The following LIMD1 variants were observed in gnomAD, a reference collection of about 807,000 sequenced individuals.
LIMD1 encodes LIM domain containing 1, also known as LIM domain-containing protein 1.
A neutral mutation model predicts 58.4 loss-of-function variants in LIMD1; 23 were observed. The observed-to-expected ratio is 0.39, with a 90% CI of 0.28 to 0.56. The LOEUF is 0.56. Ranked by LOEUF, LIMD1 falls within the 20% of genes least tolerant of loss-of-function variation. The pLI, the probability that LIMD1 is intolerant of heterozygous loss-of-function variation, is 0.57. For missense variants in LIMD1, 838 were observed against 855.5 expected, an observed-to-expected ratio of 0.98 and a Z score of 0.25; for synonymous variants, 334 against 345.5, an observed-to-expected ratio of 0.97 and a Z score of 0.37.
At chr3:45,654,954 CTG>C (rs1702014130) in intron 2 of LIMD1, among the ~76,000 whole-genome samples, 1 of 145,066 alleles carries the variant, frequency 6.9e-6, no homozygotes, top group South Asian at 2.2e-4. Flanking sequence ...TAGTCTCACT[CTG>C]TCACCCAGGC....
intron 1 of LIMD1, among the ~76,000 whole-genome samples, chr3:45,616,160 G>C (rs1194719535): frequency 3.9e-5 from 6 of 152,092 alleles, no homozygotes; most frequent in Admixed American, 6.6e-5. Context: ...AGGAATGGCT[G>C]GGTTCTATTT....
rs773480038 is a variant in LIMD1, at chr3:45,673,468, A to G, written c.1787A>G (p.Lys596Arg). 1.9e-6 allele frequency: 3 copies of G among 1,614,032 alleles called. No individual in the cohort carries two copies. Among genetic ancestry groups the G allele is most frequent in the South Asian group, 2.2e-5 (2 of 91,082 alleles). The change falls in exon 6 of 8, where the codon AAG (lysine) becomes AGG (arginine). Residue 596 changes from lysine to arginine, a missense_variant. By Grantham distance (26) the Lys-to-Arg change is conservative. Transcript: ENST00000273317. ...VRDYHKVLAP[K>R]CAACGLPILP... ...TCTCCCCACAGGGTGCTGGCCCCCAAGTGTGCAGCCTGTGGGCTTCCCATC... is the reference window on the plus strand; with the variant it reads ...TCTCCCCACAGGGTGCTGGCCCCCAGGTGTGCAGCCTGTGGGCTTCCCATC...
intron 7 of LIMD1, chr3:45,674,661 C>T (rs1697644140): frequency 9.3e-6 from 4 of 430,706 alleles, no homozygotes; most frequent in African/African-American, 5.9e-5. Context: ...GCTGCTCTCC[C>T]TGAAGCTGCA....
chr3:45,649,926 G>GT (rs1412331173), intron 2 of LIMD1, among the ~76,000 whole-genome samples: 1 of 123,536 alleles, frequency 8.1e-6, no homozygotes, highest in Non-Finnish European at 1.6e-5. Flanking sequence ...TATGTGACAT[G>GT]TTTTTCCCCC....
In LIMD1 at chr3:45,595,961, A is replaced by G. The variant is rs368463551; in HGVS notation, c.1082A>G (p.Gln361Arg). 13 of 1,614,220 alleles carry G rather than the reference A, an allele frequency of 8.1e-6. No individual in the cohort carries two copies. Among genetic ancestry groups the G allele is most frequent in the Non-Finnish European group, 1.1e-5 (13 of 1,180,030 alleles). Residue 361 changes from glutamine (Q) to arginine (R), a missense_variant, in exon 1 of 8, where the codon CAG becomes CGG. By Grantham distance (43) the Gln-to-Arg change is conservative. Coordinates refer to ENST00000273317, the MANE Select transcript of LIMD1 (RefSeq NM_014240.3). ...TCGCCAGCTGGTCTGGACGGTTCAC[A>G]GCAGGGTGCGGTCCCTGGGCTGGGG... Reference protein sequence around the residue: ...SSSPAGLDGSQQGAVPGLGPK... With the variant: ...SSSPAGLDGSRQGAVPGLGPK...
intron 1 of LIMD1, among the ~76,000 whole-genome samples, chr3:45,635,410 C>T (rs1462124784): frequency 6.6e-6 from 1 of 151,808 alleles, no homozygotes; most frequent in Non-Finnish European, 1.5e-5. Context: ...AGGTAGGGGC[C>T]CATCAGCAAA....
chr3:45,610,209 A>G (rs757646478), intron 1 of LIMD1, among the ~76,000 whole-genome samples: 2 of 152,172 alleles, frequency 1.3e-5, no homozygotes, highest in Non-Finnish European at 2.9e-5. Context: ...TCTCGAATGA[A>G]TATGTGTACA....
chr3:45,616,586 G>A (rs1701578272), intron 1 of LIMD1, among the ~76,000 whole-genome samples: 2 of 426 alleles, frequency 4.7e-3, no homozygotes, highest in South Asian at 0.091. Context: ...CTGCACCCGG[G>A]TCCCCCTCCT....
chr3:45,666,096 C>T (rs1481706962), intron 3 of LIMD1, among the ~76,000 whole-genome samples: 1 of 152,162 alleles, frequency 6.6e-6, no homozygotes, highest in African/African-American at 2.4e-5. Flanking sequence ...GGCTCCCAGA[C>T]CTGAGCTCTA....
chr3:45,622,429 A>G (rs538248978), intron 1 of LIMD1, among the ~76,000 whole-genome samples: 10 of 152,330 alleles, frequency 6.6e-5, no homozygotes, highest in Non-Finnish European at 1.3e-4. Flanking sequence ...ACACATACCT[A>G]TGATAAACTT....
intron 2 of LIMD1, among the ~76,000 whole-genome samples, chr3:45,643,518 A>G (rs1346192774): frequency 6.6e-6 from 1 of 152,020 alleles, no homozygotes; most frequent in Non-Finnish European, 1.5e-5. Flanking sequence ...GTGAGGGAGA[A>G]GTAGGCAAGG....
intron 1 of LIMD1, among the ~76,000 whole-genome samples, chr3:45,613,870 A>G (rs1468022313): frequency 1.3e-5 from 2 of 152,144 alleles, no homozygotes; most frequent in Non-Finnish European, 2.9e-5. Context: ...TTGCTGGATC[A>G]TGGAGTAGGT....
rs371429641 is a variant in LIMD1, at chr3:45,674,288, C to T, written c.1825-55C>T. Reference sequence around the variant, plus strand: ...TCCCCACCCCACGGTACATCAAGCCCGACAGCCCCCCTAACAGGCCTCTCC... The same window carrying T: ...TCCCCACCCCACGGTACATCAAGCCTGACAGCCCCCCTAACAGGCCTCTCC... On this transcript the variant is annotated intron_variant, in intron 6 of 7. Coordinates refer to ENST00000273317, the MANE Select transcript of LIMD1 (RefSeq NM_014240.3). The T allele has an allele frequency of 6.1e-5, 90 of 1,464,376 alleles. 1 individual carries two copies. The highest frequency in any genetic ancestry group is 5.2e-4 in the Middle Eastern group (3 of 5,820). 90.7% of individuals were successfully genotyped at this position (1,464,376 alleles called of 1,614,324 possible). A position where few individuals can be genotyped will look rare whatever the true frequency, so the allele number is the denominator to read the frequency against.
In LIMD1 at chr3:45,597,098, G is replaced by T. The variant is rs186904146; in HGVS notation, c.1408+811G>T. Among the ~76,000 whole-genome samples, 5 of 152,056 alleles carry T rather than the reference G, an allele frequency of 3.3e-5. No homozygotes were observed. The East Asian group carries it at 9.7e-4, about 29-fold the overall frequency. ...GATGTTCTCAATCTCCTGACCTCGT[G>T]ATCCGCCCGCCTTGGCCTCCCAAAG... On this transcript the variant is annotated intron_variant, in intron 1 of 7. Coordinates refer to ENST00000273317, the MANE Select transcript of LIMD1 (RefSeq NM_014240.3).
chr3:45,639,745 C>T (rs1701823836), intron 2 of LIMD1, among the ~76,000 whole-genome samples: 1 of 152,204 alleles, frequency 6.6e-6, no homozygotes, highest in Non-Finnish European at 1.5e-5. Context: ...TTACCGCAAC[C>T]TCCGCCTCCT....
chr3:45,633,245 A>T (rs985025641), intron 1 of LIMD1, among the ~76,000 whole-genome samples: 1 of 152,068 alleles, frequency 6.6e-6, no homozygotes, highest in South Asian at 2.1e-4. Flanking sequence ...CATGCATTTC[A>T]TGGCCATTAA....
At chr3:45,649,878 T>C (rs989175630) in intron 2 of LIMD1, among the ~76,000 whole-genome samples, 1 of 138,890 alleles carries the variant, frequency 7.2e-6, no homozygotes, top group African/African-American at 2.6e-5. Flanking sequence ...TTTCTCCCTT[T>C]TTTTTTTTAA....
In LIMD1 at chr3:45,603,040, C is replaced by A. The variant is rs188550569; in HGVS notation, c.1408+6753C>A. Among the ~76,000 whole-genome samples the A allele has an allele frequency of 2.6e-5, 4 of 152,190 alleles. No individual in the cohort carries two copies. In the East Asian group the frequency reaches 7.8e-4, roughly 29 times the overall value. On this transcript the variant is annotated intron_variant, in intron 1 of 7. Transcript: ENST00000273317. ...ATTTTCAGTAGAGACAGGGTTTCGC[C>A]ATGTTGGCCAGGCTGGTCTTGAGCT... is the stretch of plus-strand genomic sequence containing the variant.
chr3:45,597,157 G>A (rs1405928792), intron 1 of LIMD1, among the ~76,000 whole-genome samples: 1 of 152,168 alleles, frequency 6.6e-6, no homozygotes, highest in Non-Finnish European at 1.5e-5. Context: ...ACCGCGCCTG[G>A]CCAGAGCAGT....
Sources: gnomAD v4.1 joint callset for allele counts (sites outside exome capture counted in the v4.1 genomes callset) on GRCh38, gnomAD v4.1.1 for gene constraint, MANE v1.5 for transcripts, NCBI Gene and HGNC (gene_info 2026-07-23, HGNC 2026-07-21) for gene names.